The following TOGARAM1 variants were observed in gnomAD, a reference collection of about 807,000 sequenced individuals.
The protein encoded by TOGARAM1 is TOG array regulator of axonemal microtubules 1.
TOGARAM1 carries 100 observed loss-of-function variants against 166.6 expected under a neutral mutation model. That is an observed-to-expected ratio of 0.60 (90% confidence interval 0.51 to 0.71). The LOEUF is 0.71. Among genes scored for constraint, TOGARAM1 ranks in the 30% least tolerant of loss-of-function variants. The pLI is 0.00. For missense variants in TOGARAM1, 2,029 were observed against 2,102.7 expected (o/e 0.96, Z 0.69); for synonymous variants, 758 against 763.8 (o/e 0.99, Z 0.13).
At chr14:45,027,592 A>T in intron 9 of TOGARAM1, 118 bp downstream of exon 9, 1 of 826,360 alleles carries the variant, frequency 1.2e-6, no homozygotes, top group South Asian at 2.9e-5. Flanking sequence ...ATCTTAGTAC[A>T]GTTGAAATTT....
intron 10 of TOGARAM1, among the ~76,000 whole-genome samples, 193 bp downstream of exon 10, chr14:45,028,522 G>C (rs1034343543): frequency 3.3e-5 from 5 of 152,080 alleles, no homozygotes; most frequent in Non-Finnish European, 5.9e-5. Flanking sequence ...TGAATATCTT[G>C]ATTATCTCAA....
rs1337020854 is a variant in TOGARAM1 at position 45,025,784 on chromosome 14, G to A, written c.3240G>A (p.Gly1080=). The stretch of plus-strand genomic sequence containing the variant: ...TTTTGTTTTTTGGGGGATTTACAGG[G>A]TCATCATCAAATCCACAGCAAATTT... ...SHIAEQSPSA[G]SSSNPQQISS... The change falls in exon 8 of 20, where the codon GGG becomes GGA. Residue 1080 remains glycine, a splice_region_variant and synonymous_variant. Coordinates refer to ENST00000361462, the MANE Select transcript of TOGARAM1 (RefSeq NM_001308120.2). 2 of 1,587,834 alleles carry A rather than the reference G, an allele frequency of 1.3e-6. No homozygotes were observed. Among genetic ancestry groups the A allele is most frequent in the South Asian group, 1.1e-5 (1 of 89,904 alleles).
intron 16 of TOGARAM1, among the ~76,000 whole-genome samples, chr14:45,062,091 G>T (rs1442939683): frequency 6.6e-6 from 1 of 152,114 alleles, no homozygotes; most frequent in East Asian, 1.9e-4. Context: ...TTGAAAGAAT[G>T]TACATTCTGC....
At chr14:45,065,797 C>T (rs1883113337) in intron 16 of TOGARAM1, among the ~76,000 whole-genome samples, 1 of 152,182 alleles carries the variant, frequency 6.6e-6, no homozygotes, top group African/African-American at 2.4e-5. Flanking sequence ...AAGAGTGGTT[C>T]ACTTAATCTT....
rs753854439 is a variant in TOGARAM1 at position 44,999,332 on chromosome 14, T to G, written c.2204-31T>G. The G allele has an allele frequency of 1.7e-5, 25 of 1,502,272 alleles. 2 individuals are homozygous for G. In the South Asian group the frequency reaches 3.5e-4, roughly 21 times the overall value. 93.1% of individuals were successfully genotyped at this position (1,502,272 alleles called of 1,614,324 possible). A position where few individuals can be genotyped will look rare whatever the true frequency, so the allele number is the denominator to read the frequency against. On this transcript the variant is annotated intron_variant, in intron 2 of 19. Coordinates refer to ENST00000361462, the MANE Select transcript of TOGARAM1 (RefSeq NM_001308120.2). ...TCATGAAATAAAGTTAACTTTTGCT[T>G]TTATGTTTTCTCCCTTCCTTTCTTC...
At chr14:45,014,923 T>C (rs1880025685) in intron 7 of TOGARAM1, among the ~76,000 whole-genome samples, 1 of 152,230 alleles carries the variant, frequency 6.6e-6, no homozygotes, top group South Asian at 2.1e-4. Flanking sequence ...CTTAGTGCCC[T>C]TTATTCTACA....
Position 45,073,606 on chromosome 14 carries a change from T to A in TOGARAM1, c.*45T>A. ...ATGATGAACAAAAGTGTTTACATGA[T>A]GACAAATGGAACTTTCTAAAAGTTA... On this transcript the variant is annotated 3_prime_UTR_variant, in exon 20 of 20. Transcript: ENST00000361462. 1 of 1,552,160 alleles carries A rather than the reference T, an allele frequency of 6.4e-7. No individual in the cohort carries two copies. The highest frequency in any genetic ancestry group is 8.7e-7 in the Non-Finnish European group (1 of 1,147,020).
At chr14:44,969,391 G>A (rs1183208582) in intron 1 of TOGARAM1, among the ~76,000 whole-genome samples, 2 of 152,008 alleles carry the variant, frequency 1.3e-5, no homozygotes, top group Non-Finnish European at 2.9e-5. Context: ...GGACTCAAGC[G>A]ATTGCCCACC....
intron 2 of TOGARAM1, among the ~76,000 whole-genome samples, chr14:44,998,477 G>A (rs2138818432): frequency 6.6e-6 from 1 of 152,314 alleles, no homozygotes; most frequent in South Asian, 2.1e-4. Context: ...CACTTTGGGA[G>A]GCCAAGGCAG....
intron 16 of TOGARAM1, among the ~76,000 whole-genome samples, chr14:45,064,570 C>G (rs946464465): frequency 6.6e-6 from 1 of 151,982 alleles, no homozygotes; most frequent in African/African-American, 2.4e-5. Context: ...TCCCAGGGCT[C>G]AAGTGTCCTC....
chr14:44,984,935 T>C (rs1328411143), intron 1 of TOGARAM1, among the ~76,000 whole-genome samples: 1 of 152,192 alleles, frequency 6.6e-6, no homozygotes, highest in Non-Finnish European at 1.5e-5. Context: ...GCTTTATGTA[T>C]TAAATACAAC....
rs1322855088 is a variant in TOGARAM1 at position 44,969,896 on chromosome 14, T to C, written c.2046+5429T>C. Among the ~76,000 whole-genome samples, 10 of 152,332 alleles carry C rather than the reference T, an allele frequency of 6.6e-5. No homozygotes were observed. In the East Asian group the frequency reaches 1.7e-3, roughly 26 times the overall value. On this transcript the variant is annotated intron_variant, in intron 1 of 19. Transcript: ENST00000361462. ...TTCTGGGCTCTTTACTCTGCTCCATTAGTGTGCCTATTTTTGCCCATAACA... is the reference window on the plus strand; with the variant it reads ...TTCTGGGCTCTTTACTCTGCTCCATCAGTGTGCCTATTTTTGCCCATAACA...
intron 15 of TOGARAM1, 150 bp from the exon 16 acceptor site, chr14:45,054,281 T>G: frequency 2.0e-6 from 1 of 499,144 alleles, no homozygotes; most frequent in Middle Eastern, 5.2e-4. Flanking sequence ...AGGTGTTTTA[T>G]GTATCTCATA....
At position 45,000,541 on chromosome 14, in the gene TOGARAM1, T is replaced by G. The variant is rs147183683; in HGVS notation, c.2338+1044T>G. 3.1e-3 allele frequency among the ~76,000 whole-genome samples: 479 copies of G among 152,342 alleles called. 2 individuals carry two copies. Among genetic ancestry groups the G allele is most frequent in the African/African-American group, 0.011 (463 of 41,582 alleles). On this transcript the variant is annotated intron_variant, in intron 3 of 19. Coordinates refer to ENST00000361462, the MANE Select transcript of TOGARAM1 (RefSeq NM_001308120.2). ...ATTGCAAATGACAGGATTTCATTCT[T>G]TATATGGCTCAATAGTTCTCCATTG...
chr14:45,012,971 G>A (rs906458767), intron 7 of TOGARAM1, among the ~76,000 whole-genome samples: 34 of 152,088 alleles, frequency 2.2e-4, no homozygotes, highest in African/African-American at 7.7e-4. Flanking sequence ...GTTCCCCACA[G>A]TGCAAATCTG....
At position 44,963,757 on chromosome 14, in the gene TOGARAM1, G is replaced by T; in HGVS notation, c.1336G>T (p.Asp446Tyr). The T allele has an allele frequency of 1.2e-6, 2 of 1,613,868 alleles. No homozygotes were observed. Among genetic ancestry groups the T allele is most frequent in the Non-Finnish European group, 1.7e-6 (2 of 1,179,852 alleles). Residue 446 changes from aspartate (D) to tyrosine (Y), a missense_variant, in exon 1 of 20, where the codon GAC becomes TAC. This residue lies in a region of TOGARAM1 where 1,453 missense variants were observed against 1,432.2 expected (regional missense o/e 1.01). Transcript: ENST00000361462. ...AGCAGCTTCTGTCAAAGTGCTGGCG[G>T]ACAACAAGTTGGTGATCAAACAAGA... Reference protein sequence around the residue: ...VIAASVKVLADNKLVIKQEYM... With the variant: ...VIAASVKVLAYNKLVIKQEYM...
Position 45,043,633 on chromosome 14 carries a change from G to C in TOGARAM1, c.3813-53G>C. On this transcript the variant is annotated intron_variant, in intron 11 of 19. Coordinates refer to ENST00000361462, the MANE Select transcript of TOGARAM1 (RefSeq NM_001308120.2). ...CAGAAAATAAGACATTTGTGATCCT[G>C]TTCCAGTTGAGTCCCATTTAACGAA... 5 of 963,900 alleles carry C rather than the reference G, an allele frequency of 5.2e-6. No homozygotes were observed. In the Admixed American group the frequency reaches 8.6e-5, roughly 17 times the overall value. The allele number at this position is 963,900 out of a possible 1,614,324, so 59.7% of individuals were successfully genotyped here.
intron 16 of TOGARAM1, among the ~76,000 whole-genome samples, chr14:45,055,378 G>A (rs576546556): frequency 2.3e-4 from 35 of 152,158 alleles, no homozygotes; most frequent in African/African-American, 7.5e-4. Flanking sequence ...TTTATTTCTG[G>A]GTTCTCTATT....
At position 44,964,030 on chromosome 14, in the gene TOGARAM1, T is replaced by C. The variant is rs921060959; in HGVS notation, c.1609T>C (p.Leu537=). 4.3e-6 allele frequency: 7 copies of C among 1,614,086 alleles called. No homozygotes were observed. In the African/African-American group the frequency reaches 8.0e-5, roughly 18 times the overall value. The part of the protein sequence containing the change: ...RQAALEAFAV[L]ASSMGSGKTS... ...AGCAGCTTTAGAAGCTTTTGCCGTA[T>C]TGGCATCATCAATGGGCTCAGGTAA... is the stretch of plus-strand genomic sequence containing the variant. The change falls in exon 1 of 20, where the codon TTG becomes CTG. Residue 537 remains leucine, a synonymous_variant. Transcript: ENST00000361462.
Sources: gnomAD v4.1 joint callset for allele counts (sites outside exome capture counted in the v4.1 genomes callset) on GRCh38, gnomAD v4.1.1 for gene constraint, gnomAD v4.1.1 regional missense constraint, MANE v1.5 for transcripts, NCBI Gene and HGNC (gene_info 2026-07-23, HGNC 2026-07-21) for gene names.